The following DAAM1 variants were observed in gnomAD, a reference collection of about 807,000 sequenced individuals.
DAAM1 encodes dishevelled associated activator of morphogenesis 1.
In DAAM1, 52 loss-of-function variants were observed where a neutral mutation model predicts 130.0. The observed-to-expected ratio is 0.40, with a 90% CI of 0.32 to 0.50. DAAM1 has a LOEUF of 0.50. Among genes scored for constraint, DAAM1 ranks in the 20% least tolerant of loss-of-function variants. The probability of loss-of-function intolerance (pLI) is 0.61; values close to 1 mark genes in which losing one functional copy is unlikely to be tolerated. For missense variants in DAAM1, 1,134 were observed against 1,303.8 expected (o/e 0.87, Z 2.01); for synonymous variants, 452 against 444.5 (o/e 1.02, Z -0.21).
rs530849937 is a variant in DAAM1, at chr14:59,290,266, G to A, written c.184-951G>A. 5.9e-5 allele frequency among the ~76,000 whole-genome samples: 9 copies of A among 151,992 alleles called. No individual in the cohort carries two copies. The South Asian group carries it at 1.9e-3, about 32-fold the overall frequency. ...ACATTTATAAATTACCTTCCTTTAG[G>A]GTTCAGTCTAAGCAGTACACCACTA... On this transcript the variant is annotated intron_variant, in intron 2 of 24. Coordinates refer to ENST00000360909, the MANE Select transcript of DAAM1 (RefSeq NM_001270520.2).
intron 1 of DAAM1, among the ~76,000 whole-genome samples, chr14:59,193,719 T>C (rs1376516954): frequency 6.6e-6 from 1 of 152,174 alleles, no homozygotes; most frequent in Non-Finnish European, 1.5e-5. Context: ...GTTCCTGGTT[T>C]TTACTCTGTC....
chr14:59,278,516 A>C (rs1883069880), intron 2 of DAAM1, among the ~76,000 whole-genome samples: 1 of 152,202 alleles, frequency 6.6e-6, no homozygotes, highest in Admixed American at 6.5e-5. Context: ...TTTGGACCAC[A>C]GTTGGCTAGA....
At chr14:59,222,506 C>G (rs542445943) in intron 1 of DAAM1, among the ~76,000 whole-genome samples, 8 of 152,154 alleles carry the variant, frequency 5.3e-5, no homozygotes, top group Non-Finnish European at 1.0e-4. Flanking sequence ...ATTGGGCACT[C>G]AGCAGTGGCT....
chr14:59,214,635 G>A (rs1471978288), intron 1 of DAAM1, among the ~76,000 whole-genome samples: 3 of 152,124 alleles, frequency 2.0e-5, no homozygotes, highest in Non-Finnish European at 4.4e-5. Context: ...CTCTCATCTA[G>A]TTTAATGTTT....
chr14:59,335,251 C>A (rs1307079012), intron 15 of DAAM1, among the ~76,000 whole-genome samples: 1 of 152,046 alleles, frequency 6.6e-6, no homozygotes. Context: ...GTGTAAATAT[C>A]AAAGGTGTGC....
intron 1 of DAAM1, among the ~76,000 whole-genome samples, chr14:59,229,225 A>G (rs1371301056): frequency 6.6e-6 from 1 of 152,152 alleles, no homozygotes; most frequent in Non-Finnish European, 1.5e-5. Context: ...CGAATGATGC[A>G]TTTTGTAGTG....
chr14:59,193,994 A>G (rs1275117107), intron 1 of DAAM1, among the ~76,000 whole-genome samples: 2 of 152,260 alleles, frequency 1.3e-5, no homozygotes, highest in African/African-American at 2.4e-5. Context: ...ATTATACAAG[A>G]TAGATACTTT....
At chr14:59,241,887 C>G (rs1210670318) in intron 1 of DAAM1, among the ~76,000 whole-genome samples, 5 of 152,188 alleles carry the variant, frequency 3.3e-5, no homozygotes, top group Non-Finnish European at 2.9e-5. Context: ...AACTGTCTCT[C>G]TCTCTCTCTC....
At chr14:59,282,351 T>A (rs1201800093) in intron 2 of DAAM1, among the ~76,000 whole-genome samples, 1 of 152,314 alleles carries the variant, frequency 6.6e-6, no homozygotes, top group Non-Finnish European at 1.5e-5. Flanking sequence ...ATTTAATAGA[T>A]AGATATTCAA....
intron 3 of DAAM1, chr14:59,291,611 A>G (rs954873166): frequency 1.5e-5 from 4 of 264,200 alleles, no homozygotes; most frequent in South Asian, 1.1e-4. Context: ...ACCAGTCTGT[A>G]TACAGGTGGT....
At chr14:59,267,843 A>G (rs1882515791) in intron 2 of DAAM1, among the ~76,000 whole-genome samples, 1 of 151,602 alleles carries the variant, frequency 6.6e-6, no homozygotes, top group South Asian at 2.1e-4. Flanking sequence ...AGCATGTACC[A>G]GTACTTCATT....
At chr14:59,272,275 A>C (rs145624564) in intron 2 of DAAM1, among the ~76,000 whole-genome samples, 1 of 152,202 alleles carries the variant, frequency 6.6e-6, no homozygotes, top group Admixed American at 6.5e-5. Flanking sequence ...GAATTAAAAT[A>C]TATTGGCTGG....
chr14:59,217,867 G>A (rs1260162233), intron 1 of DAAM1, among the ~76,000 whole-genome samples: 1 of 151,906 alleles, frequency 6.6e-6, no homozygotes, highest in African/African-American at 2.4e-5. Flanking sequence ...GGCACCTGTA[G>A]TCCCAGCTAC....
intron 1 of DAAM1, among the ~76,000 whole-genome samples, chr14:59,208,571 A>T (rs1052514885): frequency 6.6e-5 from 10 of 152,148 alleles, no homozygotes; most frequent in African/African-American, 1.9e-4. Context: ...GAGGGTTTTC[A>T]TGTCCTCTGC....
intron 2 of DAAM1, among the ~76,000 whole-genome samples, chr14:59,284,445 A>G (rs1883356210): frequency 6.6e-6 from 1 of 152,174 alleles, no homozygotes; most frequent in Admixed American, 6.6e-5. Flanking sequence ...GGAGATCTAA[A>G]TCTTACTGTG....
At chr14:59,331,050 G>A (rs1244534003) in intron 13 of DAAM1, among the ~76,000 whole-genome samples, 159 bp from the exon 14 acceptor site, 2 of 152,048 alleles carry the variant, frequency 1.3e-5, no homozygotes, top group Non-Finnish European at 2.9e-5. Context: ...AGTCCATAAA[G>A]GCCCAAAAGA....
intron 2 of DAAM1, among the ~76,000 whole-genome samples, chr14:59,281,943 A>C (rs1883242778): frequency 6.6e-6 from 1 of 152,094 alleles, no homozygotes; most frequent in Non-Finnish European, 1.5e-5. Flanking sequence ...GTTATTATCG[A>C]ATTTAATCTG....
At chr14:59,208,847 T>G (rs1041409825) in intron 1 of DAAM1, among the ~76,000 whole-genome samples, 4 of 152,126 alleles carry the variant, frequency 2.6e-5, no homozygotes, top group African/African-American at 9.7e-5. Flanking sequence ...AGGATATGGT[T>G]GTTTAAAAGA....
At chr14:59,244,721 G>A (rs780013710) in intron 1 of DAAM1, among the ~76,000 whole-genome samples, 39 of 152,254 alleles carry the variant, frequency 2.6e-4, no homozygotes, top group Admixed American at 5.2e-4. Flanking sequence ...GAATGTGTAC[G>A]TGTGGTGTGT....
Sources: gnomAD v4.1 joint callset for allele counts (sites outside exome capture counted in the v4.1 genomes callset) on GRCh38, gnomAD v4.1.1 for gene constraint, MANE v1.5 for transcripts, NCBI Gene and HGNC (gene_info 2026-07-23, HGNC 2026-07-21) for gene names.